Variants in ENPP2 observed in about 807,000 individuals in gnomAD.
The protein encoded by ENPP2 is ectonucleotide pyrophosphatase/phosphodiesterase 2.
ENPP2 carries 51 observed loss-of-function variants against 120.2 expected under a neutral mutation model. The observed-to-expected ratio is 0.42, with a 90% confidence interval of 0.34 to 0.54. The LOEUF (loss-of-function observed/expected upper bound fraction) is 0.54. ENPP2 is among the 20% of genes least tolerant of loss of function. The pLI is 0.04. For synonymous variants in ENPP2, 365 were observed against 366.4 expected (o/e 1.00, Z 0.04); for missense variants, 920 against 1,066.5 (o/e 0.86, Z 1.91).
At chr8:119,668,884 C>T (rs998895321) in intron 1 of ENPP2, among the ~76,000 whole-genome samples, 8 of 152,146 alleles carry the variant, frequency 5.3e-5, no homozygotes, top group African/African-American at 1.9e-4. Context: ...TTTCTCAATC[C>T]GCTTTCCCTC....
chr8:119,632,590 T>G (rs1253988127), intron 2 of ENPP2, among the ~76,000 whole-genome samples: 1 of 152,216 alleles, frequency 6.6e-6, no homozygotes, highest in Non-Finnish European at 1.5e-5. Flanking sequence ...ATAACAACAA[T>G]GCAATGCATT....
At chr8:119,617,068 A>G (rs1273453645) in intron 7 of ENPP2, 96 bp downstream of exon 7, 1 of 790,992 alleles carries the variant, frequency 1.3e-6, no homozygotes, top group Non-Finnish European at 2.2e-6. Context: ...TTCTTTGAAC[A>G]CTAAGGAACA....
chr8:119,577,009 G>T lies in ENPP2; in HGVS notation c.1780+3107C>A, dbSNP rs544675026. ...TTTAACATACCTCTTTTTTATCACA[G>T]ATATCCCTGTGATCGTTTCACTATT... On this transcript the variant is annotated intron_variant, in intron 19 of 24. Transcript: ENST00000075322. 2.6e-5 allele frequency among the ~76,000 whole-genome samples: 4 copies of T among 152,182 alleles called. No individual in the cohort carries two copies. In the South Asian group the frequency reaches 6.2e-4, roughly 24 times the overall value.
intron 5 of ENPP2, among the ~76,000 whole-genome samples, chr8:119,617,850 G>A (rs1044790425): frequency 3.3e-5 from 5 of 152,122 alleles, no homozygotes; most frequent in Admixed American, 1.3e-4. Context: ...TTGGAATGCT[G>A]AGGCAGGAGA....
At chr8:119,570,085 A>G (rs1273063471) in intron 20 of ENPP2, among the ~76,000 whole-genome samples, 2 of 152,036 alleles carry the variant, frequency 1.3e-5, no homozygotes, top group African/African-American at 4.8e-5. Context: ...CCTGACCAAC[A>G]TGGCAAAACT....
At chr8:119,635,270 A>T (rs1203273839) in intron 2 of ENPP2, among the ~76,000 whole-genome samples, 1 of 152,208 alleles carries the variant, frequency 6.6e-6, no homozygotes, top group Non-Finnish European at 1.5e-5. Context: ...TTTCATTCAC[A>T]TACTTTTCAA....
chr8:119,566,558 A>G (rs565991622), intron 22 of ENPP2, among the ~76,000 whole-genome samples: 29 of 152,294 alleles, frequency 1.9e-4, no homozygotes, highest in African/African-American at 6.7e-4. Flanking sequence ...GAAAAAATGG[A>G]GAGGAAGAGA....
At chr8:119,641,985 T>C (rs13267597), upstream of ENPP2, among the ~76,000 whole-genome samples, 1 of 151,928 alleles carries the variant, frequency 6.6e-6, no homozygotes, top group Non-Finnish European at 1.5e-5. Context: ...AGGAGGAACT[T>C]GCAGTTAGAT....
chr8:119,663,613 G>A (rs1817988447), intron 1 of ENPP2, among the ~76,000 whole-genome samples: 1 of 152,056 alleles, frequency 6.6e-6, no homozygotes, highest in South Asian at 2.1e-4. Flanking sequence ...CCTAACACAA[G>A]CAATATTTTG....
chr8:119,627,063 C>T (rs948474638), intron 2 of ENPP2, among the ~76,000 whole-genome samples: 8 of 151,996 alleles, frequency 5.3e-5, no homozygotes, highest in South Asian at 2.1e-4. Flanking sequence ...TACTGCAAAT[C>T]TGTGATGATT....
chr8:119,652,603 C>T (rs1358558926), intron 1 of ENPP2, among the ~76,000 whole-genome samples: 1 of 152,170 alleles, frequency 6.6e-6, no homozygotes, highest in Non-Finnish European at 1.5e-5. Flanking sequence ...CAAACAAGAT[C>T]AGAAATGATA....
chr8:119,595,538 C>A (rs974882821), intron 11 of ENPP2, among the ~76,000 whole-genome samples: 5 of 152,158 alleles, frequency 3.3e-5, no homozygotes, highest in Non-Finnish European at 5.9e-5. Context: ...GGGCCACAAA[C>A]CATGTGACTG....
upstream of ENPP2, among the ~76,000 whole-genome samples, chr8:119,639,031 A>T (rs946642135): frequency 6.6e-6 from 1 of 151,898 alleles, no homozygotes; most frequent in Non-Finnish European, 1.5e-5. Flanking sequence ...ACCCACAGAC[A>T]CTTTCATGTG....
chr8:119,657,900 G>C (rs1270059678), intron 1 of ENPP2, among the ~76,000 whole-genome samples: 1 of 152,186 alleles, frequency 6.6e-6, no homozygotes, highest in East Asian at 1.9e-4. Context: ...CAGCATTGGT[G>C]CTCACAGCTG....
intron 2 of ENPP2, among the ~76,000 whole-genome samples, chr8:119,632,044 T>C (rs2130808019): frequency 6.6e-6 from 1 of 152,332 alleles, no homozygotes; most frequent in African/African-American, 2.4e-5. Context: ...TGCATGCATT[T>C]GAAGTTTTTA....
At position 119,626,789 on chromosome 8, in the gene ENPP2, G is replaced by A. The variant is rs2130778522; in HGVS notation, c.137-69C>T. On this transcript the variant is annotated intron_variant, in intron 2 of 24. Coordinates refer to ENST00000075322, the MANE Select transcript of ENPP2 (RefSeq NM_001040092.3). ...ATGTCACCATGGAAAGGTGGCACTG[G>A]GAAGCTGTGCGGTGTGATGCTGCAG... The A allele has an allele frequency of 4.9e-6, 7 of 1,435,506 alleles. No individual in the cohort carries two copies. The South Asian group carries it at 8.2e-5, about 17-fold the overall frequency. The allele number at this position is 1,435,506 out of a possible 1,614,324, so 88.9% of individuals were successfully genotyped here. A position where few individuals can be genotyped will look rare whatever the true frequency, so the allele number is the denominator to read the frequency against.
At chr8:119,600,037 C>T (rs1814181837) in intron 11 of ENPP2, among the ~76,000 whole-genome samples, 2 of 150,734 alleles carry the variant, frequency 1.3e-5, no homozygotes, top group African/African-American at 4.9e-5. Flanking sequence ...AGTCAGCCTG[C>T]TCTGCTAAGC....
intron 9 of ENPP2, among the ~76,000 whole-genome samples, chr8:119,607,489 C>T (rs11776051): frequency 0.072 from 10,935 of 151,984 alleles, 501 homozygotes; most frequent in South Asian, 0.16. Context: ...GCCTCGCAAA[C>T]GTGGTGAAAC....
At chr8:119,590,480 C>G in intron 13 of ENPP2, 25 bp downstream of exon 13, 1 of 1,572,092 alleles carries the variant, frequency 6.4e-7, no homozygotes, top group Non-Finnish European at 8.6e-7. Flanking sequence ...ACTCTAACCA[C>G]TTAATATTTT....
Sources: gnomAD v4.1 joint callset for allele counts (sites outside exome capture counted in the v4.1 genomes callset) on GRCh38, gnomAD v4.1.1 for gene constraint, MANE v1.5 for transcripts, NCBI Gene and HGNC (gene_info 2026-07-23, HGNC 2026-07-21) for gene names.